SLC27A1: variants seen among roughly 807,000 people sequenced by gnomAD.
The protein encoded by SLC27A1 is solute carrier family 27 member 1, also known as long-chain fatty acid transport protein 1.
Under a neutral mutation model 62.2 loss-of-function variants are expected in SLC27A1, and 61 were observed. That is an observed-to-expected ratio of 0.98 (90% CI 0.80 to 1.21). The LOEUF is 1.21. Ranked by LOEUF, SLC27A1 falls within the 50% of genes most tolerant of loss-of-function variation. The pLI is 0.00. For missense variants in SLC27A1, 903 were observed against 932.1 expected (o/e 0.97, Z 0.41); for synonymous variants, 435 against 408.6 (o/e 1.06, Z -0.78).
chr19:17,482,276 T>C (rs1599647093), intron 1 of SLC27A1, among the ~76,000 whole-genome samples: 1 of 152,248 alleles, frequency 6.6e-6, no homozygotes, highest in Non-Finnish European at 1.5e-5. Context: ...CCCAGCACTT[T>C]GCCGGGGTGA....
At position 17,470,691 on chromosome 19, in the gene SLC27A1, G is replaced by A; in HGVS notation, c.151G>A (p.Ala51Thr). The stretch of plus-strand genomic sequence containing the variant: ...CTTCCTGCGCATCGTCTGCAAGACC[G>A]CGAGGCGAGACCTCTTGTGAGTGTT... ...WRFLRIVCKT[A>T]RRDLFGLSVL... The change falls in exon 1 of 12, where the codon GCG (alanine) becomes ACG (threonine). Residue 51 changes from alanine (A) to threonine (T), a missense_variant. Ala to Thr is a moderately conservative substitution (Grantham distance 58). Coordinates refer to ENST00000252595, the MANE Select transcript of SLC27A1 (RefSeq NM_198580.3). 3 of 1,583,138 alleles carry A rather than the reference G, an allele frequency of 1.9e-6. No individual in the cohort carries two copies. Among genetic ancestry groups the A allele is most frequent in the Non-Finnish European group, 2.6e-6 (3 of 1,170,824 alleles).
chr19:17,489,127 T>C lies in SLC27A1; in HGVS notation c.996+10T>C, dbSNP rs368316854. 76 of 1,612,198 alleles carry C rather than the reference T, an allele frequency of 4.7e-5. No homozygotes were observed. In the African/African-American group the frequency reaches 9.5e-4, roughly 20 times the overall value. On this transcript the variant is annotated intron_variant, in intron 6 of 11. Coordinates refer to ENST00000252595, the MANE Select transcript of SLC27A1 (RefSeq NM_198580.3). ...CAAGTACAACTGCACGGTCAGGCCC[T>C]GCCCTGTTCTGTCTAGACCCCGCCC... is the stretch of plus-strand genomic sequence containing the variant.
rs577354957 is a variant in SLC27A1 at position 17,482,520 on chromosome 19, A to G, written c.168-4043A>G. Among the ~76,000 whole-genome samples the G allele has an allele frequency of 2.3e-4, 35 of 152,064 alleles. No individual in the cohort carries two copies. In the South Asian group the frequency reaches 7.3e-3, roughly 32 times the overall value. On this transcript the variant is annotated intron_variant, in intron 1 of 11. Transcript: ENST00000252595. ...ACAAAAATTAGCTGGGCGTGGTAGC[A>G]TGTGCCTGTAGTCCCAGCTACTTGG...
rs1269770233 is a variant in SLC27A1, at chr19:17,486,824, G to T, written c.429G>T (p.Gly143=). The change falls in exon 2 of 12, where the codon GGG becomes GGT. Residue 143 remains glycine (G), a synonymous_variant. Coordinates refer to ENST00000252595, the MANE Select transcript of SLC27A1 (RefSeq NM_198580.3). The surrounding 1 kb of genome is among the most constrained non-coding windows in gnomAD (Gnocchi z 6.6). ...IFLEGRPEFV[G]LWLGLAKAGM... ...TGGAGGGCCGGCCGGAGTTCGTGGG[G>T]CTGTGGCTGGGCCTGGCCAAGGCGG... 3.8e-6 allele frequency: 6 copies of T among 1,593,476 alleles called. No homozygotes were observed. Among genetic ancestry groups the T allele is most frequent in the Non-Finnish European group, 1.7e-6 (2 of 1,173,574 alleles).
At chr19:17,480,496 G>A (rs1296138462) in intron 1 of SLC27A1, among the ~76,000 whole-genome samples, 1 of 147,378 alleles carries the variant, frequency 6.8e-6, no homozygotes, top group Non-Finnish European at 1.5e-5. Flanking sequence ...TCATCCTCCT[G>A]AGTAGCTGGG....
intron 1 of SLC27A1, among the ~76,000 whole-genome samples, chr19:17,482,012 A>C (rs1212661192): frequency 2.3e-4 from 35 of 152,178 alleles, no homozygotes; most frequent in Non-Finnish European, 5.9e-5. Flanking sequence ...GCAGGATTGG[A>C]ACCTGATCTG....
chr19:17,500,898 T>G (rs202198361), intron 10 of SLC27A1, 22 bp downstream of exon 10: 57 of 1,593,164 alleles, frequency 3.6e-5, no homozygotes, highest in Non-Finnish European at 4.9e-5. Context: ...TTGCAGGGGG[T>G]GGTCCTGAGG....
chr19:17,475,805 G>A (rs939449565), intron 1 of SLC27A1, among the ~76,000 whole-genome samples: 3 of 152,132 alleles, frequency 2.0e-5, no homozygotes, highest in Non-Finnish European at 2.9e-5. Context: ...GATTTCTTCC[G>A]CCCTGGAGTC....
chr19:17,495,375 G>A (rs979627955), intron 6 of SLC27A1: 4 of 148,248 alleles, frequency 2.7e-5, no homozygotes, highest in African/African-American at 7.6e-5. Context: ...TCCGCCTCCC[G>A]GGTTTACGCC....
In SLC27A1 at chr19:17,504,606, C is replaced by T; in HGVS notation, c.1935C>T (p.Ala645=). Residue 645 remains alanine (A), a synonymous_variant, in exon 12 of 12, where the codon GCC becomes GCT. Coordinates refer to ENST00000252595, the MANE Select transcript of SLC27A1 (RefSeq NM_198580.3). ...CTCGCATCTGCTCGGGCGCCTTCGC[C>T]CTCTGAAGCTGTTCCTCTACTGGCC... ...VYTRICSGAF[A]L is the part of the protein sequence containing the mutation. The T allele has an allele frequency of 6.2e-7, 1 of 1,614,114 alleles. No homozygotes were observed. The highest frequency in any genetic ancestry group is 8.5e-7 in the Non-Finnish European group (1 of 1,180,038).
At chr19:17,481,801 C>G (rs2075181287) in intron 1 of SLC27A1, among the ~76,000 whole-genome samples, 1 of 152,224 alleles carries the variant, frequency 6.6e-6, no homozygotes, top group African/African-American at 2.4e-5. Flanking sequence ...GCCAGCATGC[C>G]TGCACGGCTG....
chr19:17,487,642 G>T (rs1335045215), intron 4 of SLC27A1, 113 bp downstream of exon 4: 3 of 1,080,670 alleles, frequency 2.8e-6, no homozygotes, highest in East Asian at 2.6e-5. Context: ...CCTGGGGACA[G>T]AGAGGGCAGC....
Position 17,504,695 on chromosome 19 carries a change from C to T in SLC27A1, c.*83C>T. 3.2e-6 allele frequency: 5 copies of T among 1,563,400 alleles called. No individual in the cohort carries two copies. The highest frequency in any genetic ancestry group is 4.4e-6 in the Non-Finnish European group (5 of 1,147,220). ...AGACAGCGCTGCCCAGGGGTGGCCG[C>T]CTAGTACACACCCACCTGGCCGAGC... On this transcript the variant is annotated 3_prime_UTR_variant, in exon 12 of 12. Transcript: ENST00000252595.
In SLC27A1 at chr19:17,486,462, C is replaced by T; in HGVS notation, c.168-101C>T. Reference sequence around the variant, plus strand: ...AGTTTCACCATAGACCTCATCAAAGCCCCTGGCTGCCCTGGGGTCCTCCAG... The same window carrying T: ...AGTTTCACCATAGACCTCATCAAAGTCCCTGGCTGCCCTGGGGTCCTCCAG... On this transcript the variant is annotated intron_variant, in intron 1 of 11. Coordinates refer to ENST00000252595, the MANE Select transcript of SLC27A1 (RefSeq NM_198580.3). This position sits in a 1 kb window ranked among gnomAD's most constrained non-coding sequence, Gnocchi z 6.6. The T allele has an allele frequency of 7.2e-7, 1 of 1,380,574 alleles. No homozygotes were observed. Among genetic ancestry groups the T allele is most frequent in the Non-Finnish European group, 9.6e-7 (1 of 1,041,204 alleles). 85.5% of individuals were successfully genotyped at this position (1,380,574 alleles called of 1,614,324 possible).
intron 6 of SLC27A1, 64 bp from the exon 7 acceptor site, chr19:17,497,188 TCTC>T (rs1432089012): frequency 1.5e-6 from 2 of 1,367,472 alleles, no homozygotes; most frequent in African/African-American, 1.5e-5. Context: ...TCTCGGGGTC[TCTC>T]CTCTGATCCG....
At chr19:17,484,590 G>A (rs1031497855) in intron 1 of SLC27A1, among the ~76,000 whole-genome samples, 5 of 151,912 alleles carry the variant, frequency 3.3e-5, no homozygotes, top group African/African-American at 1.2e-4. Context: ...CAAAAAAAAA[G>A]TACTGAATGA....
In SLC27A1 at chr19:17,486,685, A is replaced by G. The variant is rs762056345; in HGVS notation, c.290A>G (p.Asp97Gly). Residue 97 changes from aspartate (D) to glycine (G), a missense_variant, in exon 2 of 12, where the codon GAT becomes GGT. By Grantham distance (94) the Asp-to-Gly change is moderately conservative. Coordinates refer to ENST00000252595, the MANE Select transcript of SLC27A1 (RefSeq NM_198580.3). The surrounding 1 kb of genome is among the most constrained non-coding windows in gnomAD (Gnocchi z 6.6). ...QRQPERLALVDAGTGECWTFA... is the reference protein window; with the variant it reads ...QRQPERLALVGAGTGECWTFA... The stretch of plus-strand genomic sequence containing the variant: ...CAGCCCGAGCGCCTGGCGCTGGTGG[A>G]TGCCGGGACCGGCGAGTGCTGGACC... 2 of 1,611,054 alleles carry G rather than the reference A, an allele frequency of 1.2e-6. No homozygotes were observed. The highest frequency in any genetic ancestry group is 2.7e-5 in the African/African-American group (2 of 74,928).
At chr19:17,482,408 T>G (rs1197032811) in intron 1 of SLC27A1, among the ~76,000 whole-genome samples, 2 of 151,852 alleles carry the variant, frequency 1.3e-5, no homozygotes, top group East Asian at 3.9e-4. Flanking sequence ...ATCCCACCAC[T>G]TTGGGAGGCC....
chr19:17,468,987 T>A (rs1279282062), upstream of SLC27A1: 1 of 152,450 alleles, frequency 6.6e-6, no homozygotes, highest in Non-Finnish European at 1.5e-5. Flanking sequence ...TCTGGGAGAC[T>A]GAAGGCACGG....
Sources: allele counts gnomAD v4.1 joint callset (sites outside exome capture counted in the v4.1 genomes callset), GRCh38; gene constraint gnomAD v4.1.1; non-coding constraint Gnocchi (gnomAD v3.1); transcripts MANE v1.5; gene names NCBI Gene and HGNC (gene_info 2026-07-23, HGNC 2026-07-21).